Variants in APLP2 observed in about 807,000 individuals in gnomAD.
APLP2 encodes the protein amyloid beta precursor like protein 2, also known as CDEI box-binding protein.
A neutral mutation model predicts 89.9 loss-of-function variants in APLP2; 53 were observed. The observed-to-expected ratio is 0.59, with a 90% confidence interval of 0.47 to 0.74. The LOEUF (loss-of-function observed/expected upper bound fraction) is 0.74. Ranked by LOEUF, APLP2 falls within the 30% of genes least tolerant of loss-of-function variation. The pLI is 0.00. For synonymous variants in APLP2, 372 were observed against 348.6 expected (o/e 1.07, Z -0.75); for missense variants, 973 against 975.9 (o/e 1.00, Z 0.04).
At position 130,122,474 on chromosome 11, in the gene APLP2, G is replaced by C. The variant is rs150933688; in HGVS notation, c.883G>C (p.Gly295Arg). The C allele has an allele frequency of 6.2e-7, 1 of 1,613,934 alleles. No individual in the cohort carries two copies. Among genetic ancestry groups the C allele is most frequent in the African/African-American group, 1.3e-5 (1 of 74,878 alleles). ...EENPTEPGSD[G>R]TMSDKEITHD... ...GAATCCTACTGAACCCGGCAGCGACGGCACCATGTCAGACAAGGAAATTAC... is the reference window on the plus strand; with the variant it reads ...GAATCCTACTGAACCCGGCAGCGACCGCACCATGTCAGACAAGGAAATTAC... Residue 295 changes from glycine to arginine, a missense_variant, in exon 6 of 17, where the codon GGC becomes CGC. By Grantham distance (125) the Gly-to-Arg change is moderately radical. Coordinates refer to ENST00000338167, the MANE Select transcript of APLP2 (RefSeq NM_001142276.2).
chr11:130,070,093 G>A lies in APLP2; in HGVS notation c.105+11G>A, dbSNP rs765269808. 510 of 1,406,854 alleles carry A rather than the reference G, an allele frequency of 3.6e-4. No individual in the cohort carries two copies. Among genetic ancestry groups the A allele is most frequent in the Non-Finnish European group, 4.6e-4 (500 of 1,085,238 alleles). The allele number at this position is 1,406,854 out of a possible 1,614,324, so 87.1% of individuals were successfully genotyped here. On this transcript the variant is annotated intron_variant, in intron 1 of 16. Coordinates refer to ENST00000338167, the MANE Select transcript of APLP2 (RefSeq NM_001142276.2). ...GCCGGCTACATCGAGGTGGGGACCG[G>A]GCGAACGCCGGAGAGTCGTCTCCTT...
chr11:130,115,126 G>C (rs1203789749), intron 3 of APLP2, among the ~76,000 whole-genome samples: 1 of 152,068 alleles, frequency 6.6e-6, no homozygotes, highest in Non-Finnish European at 1.5e-5. Flanking sequence ...TCTCCCACCT[G>C]GGTACAGCTT....
At chr11:130,138,177 G>T (rs574514029) in intron 13 of APLP2, among the ~76,000 whole-genome samples, 2 of 152,320 alleles carry the variant, frequency 1.3e-5, no homozygotes, top group African/African-American at 2.4e-5. Flanking sequence ...TGTGTTGTAT[G>T]AGCCCACCCT....
At chr11:130,099,045 TAA>T (rs1946571624) in intron 1 of APLP2, among the ~76,000 whole-genome samples, 1 of 152,234 alleles carries the variant, frequency 6.6e-6, no homozygotes, top group Admixed American at 6.5e-5. Flanking sequence ...ACACTCTTAA[TAA>T]CTGCCTAAGT....
rs1051680333 is a variant in APLP2 at position 130,105,844 on chromosome 11, C to T, written c.106-3585C>T. 2.0e-5 allele frequency among the ~76,000 whole-genome samples: 3 copies of T among 152,148 alleles called. No homozygotes were observed. In the East Asian group the frequency reaches 5.8e-4, roughly 30 times the overall value. ...TCAGCCTCCTGAGTAGCTGGGACTA[C>T]AGGCATGTGCCACCACACCCGGCTA... On this transcript the variant is annotated intron_variant, in intron 1 of 16. Transcript: ENST00000338167.
chr11:130,134,927 T>C (rs1313558649), intron 12 of APLP2, among the ~76,000 whole-genome samples: 2 of 152,150 alleles, frequency 1.3e-5, no homozygotes, highest in African/African-American at 4.8e-5. Flanking sequence ...CATGTTAAGA[T>C]AGAAATTTCT....
chr11:130,116,120 CAT>C (rs1219795149), intron 3 of APLP2, among the ~76,000 whole-genome samples: 2 of 151,578 alleles, frequency 1.3e-5, no homozygotes, highest in Non-Finnish European at 2.9e-5. Context: ...CTTTTATTAT[CAT>C]GTGCTACTTT....
At chr11:130,132,361 T>A (rs901414959) in intron 11 of APLP2, among the ~76,000 whole-genome samples, 6 of 152,230 alleles carry the variant, frequency 3.9e-5, no homozygotes, top group Non-Finnish European at 4.4e-5. Flanking sequence ...CATTTAGCTT[T>A]TTTTTTCATT....
intron 3 of APLP2, chr11:130,114,162 A>G (rs937218829): frequency 2.0e-5 from 3 of 152,234 alleles, no homozygotes; most frequent in Non-Finnish European, 2.9e-5. Context: ...CTGTTGTTCT[A>G]ATAACATCCA....
rs80044137 is a variant in APLP2 at position 130,135,788 on chromosome 11, C to T, written c.1837+73C>T. 4.4e-4 allele frequency: 688 copies of T among 1,572,266 alleles called. 6 individuals carry two copies. In the African/African-American group the frequency reaches 8.5e-3, roughly 19 times the overall value. ...AATGAGAGAATTGAAGTCAGTTTTT[C>T]GAAAACCAAATTGAGTTGGGAGATG... On this transcript the variant is annotated intron_variant, in intron 13 of 16. Transcript: ENST00000338167.
intron 1 of APLP2, among the ~76,000 whole-genome samples, chr11:130,091,926 G>C (rs1385249358): frequency 7.9e-5 from 10 of 127,324 alleles, no homozygotes; most frequent in African/African-American, 1.0e-4. Flanking sequence ...CTTCTCAGAC[G>C]GGGCAGCTGC....
intron 13 of APLP2, among the ~76,000 whole-genome samples, chr11:130,139,846 T>C (rs1189592468): frequency 6.6e-6 from 1 of 152,158 alleles, no homozygotes; most frequent in Non-Finnish European, 1.5e-5. Context: ...AAATCCGTAA[T>C]GACAGACTGT....
chr11:130,091,054 C>T, intron 1 of APLP2, among the ~76,000 whole-genome samples: 1 of 148,730 alleles, frequency 6.7e-6, no homozygotes. Context: ...GACACCCCCA[C>T]CTCCCTCCCG....
chr11:130,094,544 T>C (rs1945933793), intron 1 of APLP2, among the ~76,000 whole-genome samples: 1 of 152,204 alleles, frequency 6.6e-6, no homozygotes, highest in Non-Finnish European at 1.5e-5. Flanking sequence ...TTGGGAAGAT[T>C]GGCTTTAGAT....
At chr11:130,097,249 G>C (rs1946330539) in intron 1 of APLP2, among the ~76,000 whole-genome samples, 1 of 152,180 alleles carries the variant, frequency 6.6e-6, no homozygotes, top group African/African-American at 2.4e-5. Flanking sequence ...ATGTTTAGCG[G>C]AATGACTATA....
At chr11:130,094,670 CT>C (rs1364788586) in intron 1 of APLP2, among the ~76,000 whole-genome samples, 1 of 152,130 alleles carries the variant, frequency 6.6e-6, no homozygotes, top group Admixed American at 6.5e-5. Context: ...AAATAAAAAC[CT>C]TTTTGGGATC....
chr11:130,097,851 C>G (rs939780940), intron 1 of APLP2, among the ~76,000 whole-genome samples: 1 of 152,188 alleles, frequency 6.6e-6, no homozygotes, highest in Non-Finnish European at 1.5e-5. Flanking sequence ...TTGTTGCCAT[C>G]ATTTTATGAA....
rs373072192 is a variant in APLP2 at position 130,079,787 on chromosome 11, CTAGTGT to C, written c.105+9706_105+9711del. Among the ~76,000 whole-genome samples the C allele has an allele frequency of 3.6e-3, 543 of 152,284 alleles. 8 individuals are homozygous for C. The highest frequency in any genetic ancestry group is 0.012 in the African/African-American group (512 of 41,552). ...AATGTTCAGATAGAAAAGACAATAG[CTAGTGT>C]CTTAGTCTGACTTCTCTCAGAGGGA... is the stretch of plus-strand genomic sequence containing the variant. On this transcript the variant is annotated intron_variant, in intron 1 of 16. Transcript: ENST00000338167.
intron 3 of APLP2, among the ~76,000 whole-genome samples, chr11:130,114,569 T>A (rs1948964606): frequency 6.6e-6 from 1 of 152,232 alleles, no homozygotes; most frequent in African/African-American, 2.4e-5. Context: ...TGTGTCCTTA[T>A]AACATGTCCC....
Sources: gnomAD v4.1 joint callset for allele counts (sites outside exome capture counted in the v4.1 genomes callset) on GRCh38, gnomAD v4.1.1 for gene constraint, MANE v1.5 for transcripts, NCBI Gene and HGNC (gene_info 2026-07-23, HGNC 2026-07-21) for gene names.